Variants in SEMA5A observed in about 807,000 individuals in gnomAD.
SEMA5A encodes the protein semaphorin-5A.
A neutral mutation model predicts 135.5 loss-of-function variants in SEMA5A; 55 were observed. That is an observed-to-expected ratio of 0.41 (90% CI 0.33 to 0.51). The LOEUF is 0.51. Among genes scored for constraint, SEMA5A ranks in the 20% least tolerant of loss-of-function variants. SEMA5A has a pLI of 0.37. For missense variants in SEMA5A, 1,290 were observed against 1,419.9 expected (o/e 0.91, Z 1.47); for synonymous variants, 580 against 546.5 (o/e 1.06, Z -0.85).
chr5:9,122,882 G>T, intron 13 of SEMA5A, 45 bp from the exon 14 acceptor site: 2 of 1,485,272 alleles, frequency 1.3e-6, no homozygotes, highest in Non-Finnish European at 1.8e-6. Context: ...GGTTAAAGCT[G>T]AACACATAAT....
chr5:9,449,138 C>T (rs1579558930), intron 1 of SEMA5A, among the ~76,000 whole-genome samples: 1 of 152,096 alleles, frequency 6.6e-6, no homozygotes, highest in South Asian at 2.1e-4. Flanking sequence ...TGCAGTACTA[C>T]TCACAATAGC....
intron 1 of SEMA5A, among the ~76,000 whole-genome samples, chr5:9,480,250 A>G (rs903094320): frequency 6.6e-6 from 1 of 152,228 alleles, no homozygotes; most frequent in African/African-American, 2.4e-5. Flanking sequence ...AGGAAAGCAA[A>G]AAAATATATT....
intron 16 of SEMA5A, among the ~76,000 whole-genome samples, chr5:9,093,726 C>T (rs918678891): frequency 3.9e-5 from 6 of 151,916 alleles, no homozygotes. Context: ...AAAAAAAAAC[C>T]GAATGACTGT....
At chr5:9,061,622 G>A (rs1469558805) in intron 18 of SEMA5A, among the ~76,000 whole-genome samples, 1 of 152,142 alleles carries the variant, frequency 6.6e-6, no homozygotes, top group Non-Finnish European at 1.5e-5. Context: ...GCAGAAACAG[G>A]GGCTTGAATA....
At chr5:9,192,306 C>T (rs1461195436) in intron 10 of SEMA5A, among the ~76,000 whole-genome samples, 1 of 152,250 alleles carries the variant, frequency 6.6e-6, no homozygotes, top group Non-Finnish European at 1.5e-5. Context: ...AATAGTTACC[C>T]TGCTCATTTC....
chr5:9,356,014 C>G (rs1308501196), intron 3 of SEMA5A, among the ~76,000 whole-genome samples: 1 of 152,124 alleles, frequency 6.6e-6, no homozygotes, highest in African/African-American at 2.4e-5. Flanking sequence ...ACCCATTTAT[C>G]TTCATACAGG....
At chr5:9,127,205 A>G (rs1278334069) in intron 13 of SEMA5A, among the ~76,000 whole-genome samples, 1 of 152,138 alleles carries the variant, frequency 6.6e-6, no homozygotes, top group African/African-American at 2.4e-5. Context: ...TTCTCTCATC[A>G]CTTCTAATTC....
intron 2 of SEMA5A, among the ~76,000 whole-genome samples, chr5:9,412,231 C>A (rs1757124818): frequency 6.6e-6 from 1 of 151,940 alleles, no homozygotes; most frequent in Non-Finnish European, 1.5e-5. Context: ...AAAAATCAGT[C>A]TTATCATGGG....
At chr5:9,399,543 T>C (rs1199776201) in intron 2 of SEMA5A, among the ~76,000 whole-genome samples, 1 of 151,626 alleles carries the variant, frequency 6.6e-6, no homozygotes, top group Non-Finnish European at 1.5e-5. Flanking sequence ...TAGATAACAG[T>C]GGTGGTTACA....
Position 9,333,431 on chromosome 5 carries a change from A to T in SEMA5A, c.224+4282T>A, listed in dbSNP as rs576670039. Among the ~76,000 whole-genome samples, 3 of 152,268 alleles carry T rather than the reference A, an allele frequency of 2.0e-5. No individual in the cohort carries two copies. The East Asian group carries it at 5.8e-4, about 29-fold the overall frequency. On this transcript the variant is annotated intron_variant, in intron 4 of 22. Coordinates refer to ENST00000382496, the MANE Select transcript of SEMA5A (RefSeq NM_003966.3). Reference sequence around the variant, plus strand: ...AATACTTGGATTCAGCACAGAATACATATCAGAGTAATTCGGGATGGAATC... The same window carrying T: ...AATACTTGGATTCAGCACAGAATACTTATCAGAGTAATTCGGGATGGAATC...
At chr5:9,094,348 C>A (rs1479161651) in intron 16 of SEMA5A, among the ~76,000 whole-genome samples, 1 of 152,156 alleles carries the variant, frequency 6.6e-6, no homozygotes, top group Non-Finnish European at 1.5e-5. Flanking sequence ...TCACACCAAG[C>A]ATTAGAGAAA....
intron 11 of SEMA5A, among the ~76,000 whole-genome samples, chr5:9,187,658 T>C (rs1181382751): frequency 2.6e-5 from 4 of 152,232 alleles, no homozygotes; most frequent in African/African-American, 9.6e-5. Flanking sequence ...AAATTAACAG[T>C]ATCTTGATGT....
intron 11 of SEMA5A, among the ~76,000 whole-genome samples, chr5:9,177,151 T>A (rs1340770747): frequency 6.6e-6 from 1 of 152,192 alleles, no homozygotes; most frequent in East Asian, 1.9e-4. Flanking sequence ...TGATCACAGT[T>A]GATTCATTGG....
intron 11 of SEMA5A, among the ~76,000 whole-genome samples, chr5:9,187,119 TG>T (rs905145025): frequency 6.6e-6 from 1 of 152,148 alleles, no homozygotes; most frequent in African/African-American, 2.4e-5. Flanking sequence ...TTCTGCTTGT[TG>T]GGGGTTATTT....
At position 9,251,402 on chromosome 5, in the gene SEMA5A, T is replaced by C. The variant is rs1210463959; in HGVS notation, c.271-13512A>G. Reference sequence around the variant, plus strand: ...TAGAAGAGGGAGGGCATTTCTTCCTTAATCAGCCAACTTTAGAATTCACAC... The same window carrying C: ...TAGAAGAGGGAGGGCATTTCTTCCTCAATCAGCCAACTTTAGAATTCACAC... On this transcript the variant is annotated intron_variant, in intron 5 of 22. Transcript: ENST00000382496. Among the ~76,000 whole-genome samples, 4 of 152,182 alleles carry C rather than the reference T, an allele frequency of 2.6e-5. No individual in the cohort carries two copies. In the East Asian group the frequency reaches 7.7e-4, roughly 29 times the overall value.
At chr5:9,501,883 A>G (rs1297579973) in intron 1 of SEMA5A, among the ~76,000 whole-genome samples, 1 of 152,208 alleles carries the variant, frequency 6.6e-6, no homozygotes, top group Admixed American at 6.5e-5. Flanking sequence ...CTGTTACAAA[A>G]TGGAAAACCC....
At chr5:9,140,585 C>T (rs915018622) in intron 12 of SEMA5A, among the ~76,000 whole-genome samples, 2 of 152,166 alleles carry the variant, frequency 1.3e-5, no homozygotes, top group South Asian at 2.1e-4. Flanking sequence ...CCAATGAGAT[C>T]GAATCTGAGA....
chr5:9,057,215 T>C (rs1363587973), intron 18 of SEMA5A, among the ~76,000 whole-genome samples: 2 of 152,226 alleles, frequency 1.3e-5, no homozygotes, highest in Admixed American at 6.5e-5. Context: ...CATCGTTGTA[T>C]ACCTATACTT....
intron 12 of SEMA5A, among the ~76,000 whole-genome samples, chr5:9,140,139 A>C (rs1019683668): frequency 6.6e-6 from 1 of 152,238 alleles, no homozygotes; most frequent in African/African-American, 2.4e-5. Context: ...GAGTGTGAGC[A>C]TAAGCATTTT....
Sources: allele counts gnomAD v4.1 joint callset (sites outside exome capture counted in the v4.1 genomes callset), GRCh38; gene constraint gnomAD v4.1.1; transcripts MANE v1.5; gene names NCBI Gene and HGNC (gene_info 2026-07-23, HGNC 2026-07-21).